TIAM1: variants seen among roughly 807,000 people sequenced by gnomAD.
TIAM1 encodes the protein rho guanine nucleotide exchange factor TIAM1.
Under a neutral mutation model 163.5 loss-of-function variants are expected in TIAM1, and 65 were observed. The observed-to-expected ratio is 0.40, with a 90% CI of 0.33 to 0.49. TIAM1 has a LOEUF of 0.49. Among genes scored for constraint, TIAM1 ranks in the 20% least tolerant of loss-of-function variants. TIAM1 has a pLI of 0.77. For synonymous variants in TIAM1, 833 were observed against 810.1 expected (o/e 1.03, Z -0.48); for missense variants, 1,789 against 2,044.7 (o/e 0.87, Z 2.41).
chr21:31,504,666 G>A (rs2046969002), intron 1 of TIAM1, among the ~76,000 whole-genome samples: 1 of 152,214 alleles, frequency 6.6e-6, no homozygotes, highest in Admixed American at 6.5e-5. Flanking sequence ...ACCAGGGGCT[G>A]ATGACTTCTG....
intron 2 of TIAM1, among the ~76,000 whole-genome samples, chr21:31,420,754 C>T (rs931965263): frequency 1.3e-5 from 2 of 152,214 alleles, no homozygotes; most frequent in African/African-American, 4.8e-5. Flanking sequence ...AATAGGGTCT[C>T]CCCAAAAAAT....
intron 1 of TIAM1, among the ~76,000 whole-genome samples, chr21:31,505,108 T>C (rs537723050): frequency 6.6e-6 from 1 of 152,336 alleles, no homozygotes; most frequent in South Asian, 2.1e-4. Flanking sequence ...CAGCATCCCA[T>C]GGTGTGTAGC....
At chr21:31,464,767 C>T (rs1194506546) in intron 1 of TIAM1, among the ~76,000 whole-genome samples, 2 of 148,762 alleles carry the variant, frequency 1.3e-5, no homozygotes, top group Non-Finnish European at 3.0e-5. Context: ...CCCTTGAACT[C>T]GGGAGGCGGA....
intron 5 of TIAM1, among the ~76,000 whole-genome samples, chr21:31,246,023 T>G (rs1002785284): frequency 6.6e-6 from 1 of 152,146 alleles, no homozygotes; most frequent in African/African-American, 2.4e-5. Flanking sequence ...CCTGGCACTA[T>G]GTGAGGATCA....
At chr21:31,167,114 G>A (rs998117490) in intron 15 of TIAM1, among the ~76,000 whole-genome samples, 2 of 120,896 alleles carry the variant, frequency 1.7e-5, no homozygotes, top group Non-Finnish European at 3.2e-5. Flanking sequence ...TTTTTGAGAT[G>A]GAGTTTCACT....
At chr21:31,463,874 G>C (rs1469774839) in intron 2 of TIAM1, 2 of 150,594 alleles carry the variant, frequency 1.3e-5, no homozygotes, top group Non-Finnish European at 2.9e-5. Flanking sequence ...TTTGGGGCTA[G>C]ATAATAGACA....
intron 6 of TIAM1, among the ~76,000 whole-genome samples, chr21:31,234,854 A>T (rs933592626): frequency 6.6e-6 from 1 of 152,202 alleles, no homozygotes; most frequent in Non-Finnish European, 1.5e-5. Flanking sequence ...CACCAGTGAT[A>T]AGGAAATGAT....
intron 2 of TIAM1, among the ~76,000 whole-genome samples, chr21:31,359,121 G>A (rs969531032): frequency 1.3e-5 from 2 of 151,794 alleles, no homozygotes; most frequent in African/African-American, 2.4e-5. Flanking sequence ...AATCTACCCC[G>A]CTTACCTCCC....
chr21:31,130,925 C>A lies in TIAM1; in HGVS notation c.3907G>T (p.Val1303Leu). The A allele has an allele frequency of 6.2e-7, 1 of 1,614,000 alleles. No individual in the cohort carries two copies. Among genetic ancestry groups the A allele is most frequent in the East Asian group, 2.2e-5 (1 of 44,868 alleles). The change falls in exon 24 of 28, where the codon GTG (valine) becomes TTG (leucine). Residue 1303 changes from valine (V) to leucine (L), a missense_variant. Physicochemically the swap from Val to Leu is conservative, Grantham distance 32 (BLOSUM62 1). This residue lies in a region of TIAM1 where 415 missense variants were observed against 439.2 expected (regional missense o/e 0.94). Coordinates refer to ENST00000541036, the MANE Select transcript of TIAM1 (RefSeq NM_001353694.2). ...TTCTGTTTGGAACCATCTTTATACA[C>A]AAGGACCACAGCAGTTTTGAAGACT... ...AFVFKTAVVL[V>L]YKDGSKQKKK... is the part of the protein sequence containing the mutation.
chr21:31,488,201 G>A (rs918496193), intron 1 of TIAM1, among the ~76,000 whole-genome samples: 20 of 152,292 alleles, frequency 1.3e-4, no homozygotes, highest in South Asian at 4.1e-4. Context: ...TGTCTATGCC[G>A]ACGCTGGGCA....
intron 3 of TIAM1, among the ~76,000 whole-genome samples, chr21:31,276,158 G>T (rs2073290947): frequency 6.6e-6 from 1 of 152,070 alleles, no homozygotes. Context: ...GGGGGTGGGG[G>T]TGAGGGAGAG....
At chr21:31,320,009 G>T (rs1202102637) in intron 2 of TIAM1, among the ~76,000 whole-genome samples, 1 of 151,908 alleles carries the variant, frequency 6.6e-6, no homozygotes, top group Non-Finnish European at 1.5e-5. Flanking sequence ...GTTTATAGCA[G>T]CATTATTCAC....
upstream of TIAM1, among the ~76,000 whole-genome samples, chr21:31,344,456 G>A (rs2076107376): frequency 6.6e-6 from 1 of 152,114 alleles, no homozygotes; most frequent in African/African-American, 2.4e-5. Flanking sequence ...AATGTATTTC[G>A]AAAAGGTCTT....
intron 1 of TIAM1, among the ~76,000 whole-genome samples, chr21:31,556,937 G>C (rs954405520): frequency 2.6e-5 from 4 of 152,322 alleles, no homozygotes; most frequent in Middle Eastern, 3.4e-3. Context: ...ACAAGGCATA[G>C]CTTAAATTTC....
chr21:31,259,126 C>CT (rs2072297870), intron 4 of TIAM1, among the ~76,000 whole-genome samples: 21 of 28,586 alleles, frequency 7.3e-4, no homozygotes, highest in Admixed American at 1.3e-3. Flanking sequence ...ATGTGATCTT[C>CT]TTTTTTTTTT....
intron 12 of TIAM1, among the ~76,000 whole-genome samples, chr21:31,199,919 A>ACC (rs1569013195): frequency 7.3e-5 from 11 of 150,916 alleles, no homozygotes; most frequent in African/African-American, 2.5e-4. Context: ...TTAAAAAAAA[A>ACC]AAAAAACACA....
intron 2 of TIAM1, among the ~76,000 whole-genome samples, chr21:31,277,249 A>C (rs902227140): frequency 2.0e-5 from 3 of 152,236 alleles, no homozygotes; most frequent in Non-Finnish European, 4.4e-5. Context: ...CAAGATCGTG[A>C]CAAGAGTGAC....
chr21:31,160,991 T>C (rs1208049105), intron 16 of TIAM1: 2 of 153,444 alleles, frequency 1.3e-5, no homozygotes, highest in African/African-American at 4.8e-5. Context: ...CCGACAACTT[T>C]CAAGGTATTC....
At chr21:31,411,510 C>T (rs1238045386) in intron 2 of TIAM1, among the ~76,000 whole-genome samples, 7 of 148,092 alleles carry the variant, frequency 4.7e-5, no homozygotes, top group Non-Finnish European at 5.9e-5. Flanking sequence ...GGGTCTCACT[C>T]CCTTGCCCAG....
Sources: gnomAD v4.1 joint callset for allele counts (sites outside exome capture counted in the v4.1 genomes callset) on GRCh38, gnomAD v4.1.1 for gene constraint, gnomAD v4.1.1 regional missense constraint, MANE v1.5 for transcripts, NCBI Gene and HGNC (gene_info 2026-07-23, HGNC 2026-07-21) for gene names.